PDS5A: variants seen among roughly 807,000 people sequenced by gnomAD.
PDS5A encodes the protein sister chromatid cohesion protein PDS5 homolog A.
Under a neutral mutation model 167.1 loss-of-function variants are expected in PDS5A, and 42 were observed. The observed-to-expected ratio is 0.25, with a 90% CI of 0.20 to 0.33. PDS5A has a LOEUF of 0.33. Ranked by LOEUF, PDS5A falls within the 10% of genes least tolerant of loss-of-function variation. PDS5A has a pLI of 1.00. For synonymous variants in PDS5A, 553 were observed against 554.6 expected (o/e 1.00, Z 0.04); for missense variants, 1,033 against 1,605.9 (o/e 0.64, Z 6.10).
chr4:39,941,857 T>A (rs1428550276), intron 2 of PDS5A, among the ~76,000 whole-genome samples: 1 of 152,062 alleles, frequency 6.6e-6, no homozygotes, highest in Non-Finnish European at 1.5e-5. Context: ...AGAGTTCAAG[T>A]TCAAGGCTGC....
intron 2 of PDS5A, among the ~76,000 whole-genome samples, chr4:39,934,558 G>C (rs1170671184): frequency 6.7e-6 from 1 of 148,162 alleles, no homozygotes; most frequent in Non-Finnish European, 1.5e-5. Context: ...CCTGTGGATT[G>C]TGTTTTAATA....
At chr4:39,868,716 C>T (rs776566805) in intron 22 of PDS5A, 1 of 454,218 alleles carries the variant, frequency 2.2e-6, no homozygotes, top group Admixed American at 2.4e-5. Flanking sequence ...AGCGATCCTC[C>T]TGCTCTGCCT....
At position 39,903,698 on chromosome 4, in the gene PDS5A, T is replaced by A. The variant is rs2109660177; in HGVS notation, c.1385+342A>T. Among the ~76,000 whole-genome samples, 2 of 152,296 alleles carry A rather than the reference T, an allele frequency of 1.3e-5. 1 individual carries two copies. The highest frequency in any genetic ancestry group is 3.9e-4 in the East Asian group (2 of 5,180). ...GGAAAGGCACTATTATTTTTCCTTT[T>A]TATATAAAACTGAAGCGCACAAGAC... is the stretch of plus-strand genomic sequence containing the variant. On this transcript the variant is annotated intron_variant, in intron 12 of 32. Transcript: ENST00000303538.
chr4:39,942,100 G>A (rs751403420), intron 2 of PDS5A, among the ~76,000 whole-genome samples: 1 of 152,076 alleles, frequency 6.6e-6, no homozygotes, highest in Non-Finnish European at 1.5e-5. Context: ...AACTCAAAGA[G>A]TGATTTCCTA....
chr4:39,832,030 C>G (rs1331017799), intron 32 of PDS5A, among the ~76,000 whole-genome samples: 1 of 150,566 alleles, frequency 6.6e-6, no homozygotes, highest in East Asian at 2.0e-4. Context: ...ACAAGAATCC[C>G]TTGAATGAAC....
chr4:39,895,292 T>C (rs1017003349), intron 16 of PDS5A, among the ~76,000 whole-genome samples: 4 of 151,660 alleles, frequency 2.6e-5, no homozygotes, highest in Admixed American at 6.6e-5. Context: ...CTAAATGGTA[T>C]AGCGTACTAC....
chr4:39,951,898 C>CAAAAAAAAAAAAAA (rs1161911794), intron 2 of PDS5A, among the ~76,000 whole-genome samples: 5 of 68,810 alleles, frequency 7.3e-5, no homozygotes, highest in South Asian at 6.0e-4. Flanking sequence ...GAGTCTGTCT[C>CAAAAAAAAAAAAAA]AAAAAAAAAA....
At chr4:39,885,154 T>C (rs1192992459) in intron 17 of PDS5A, among the ~76,000 whole-genome samples, 2 of 146,922 alleles carry the variant, frequency 1.4e-5, no homozygotes, top group Non-Finnish European at 3.0e-5. Context: ...ATACAGCTAC[T>C]CGGGAGGCCG....
intron 6 of PDS5A, among the ~76,000 whole-genome samples, chr4:39,921,147 A>C (rs1724921553): frequency 6.6e-6 from 1 of 152,162 alleles, no homozygotes; most frequent in Non-Finnish European, 1.5e-5. Context: ...TTTTCTATGA[A>C]GGGCCACATG....
chr4:39,899,759 G>T (rs1722715997), intron 14 of PDS5A, among the ~76,000 whole-genome samples: 1 of 150,694 alleles, frequency 6.6e-6, no homozygotes, highest in Non-Finnish European at 1.5e-5. Context: ...TGAGGTGGGA[G>T]GATCACCTCA....
In PDS5A at chr4:39,914,083, A is replaced by C. The variant is rs533554289; in HGVS notation, c.877-357T>G. On this transcript the variant is annotated intron_variant, in intron 8 of 32. Coordinates refer to ENST00000303538, the MANE Select transcript of PDS5A (RefSeq NM_001100399.2). ...GGACAAAGTTACAGTTACCACCCTA[A>C]TAAGCTTACTTTATAGGAAATCTGC... 9.2e-5 allele frequency among the ~76,000 whole-genome samples: 14 copies of C among 152,258 alleles called. No homozygotes were observed. In the South Asian group the frequency reaches 2.9e-3, roughly 32 times the overall value.
chr4:39,898,912 T>C, intron 14 of PDS5A, 87 bp from the exon 15 acceptor site: 2 of 807,736 alleles, frequency 2.5e-6, no homozygotes, highest in Non-Finnish European at 4.1e-6. Context: ...TTACTGTACA[T>C]TTTTCATGAC....
chr4:39,928,819 T>A (rs1254564960), intron 2 of PDS5A, among the ~76,000 whole-genome samples: 2 of 136,640 alleles, frequency 1.5e-5, no homozygotes, highest in South Asian at 2.8e-4. Flanking sequence ...AGTGAGACAC[T>A]GTCTTTAAAA....
chr4:39,900,519 T>C lies in PDS5A; in HGVS notation c.1500-12A>G, dbSNP rs1343570919. The C allele has an allele frequency of 6.5e-7, 1 of 1,532,272 alleles. No individual in the cohort carries two copies. Among genetic ancestry groups the C allele is most frequent in the East Asian group, 2.3e-5 (1 of 42,752 alleles). 94.9% of individuals were successfully genotyped at this position (1,532,272 alleles called of 1,614,324 possible). A position where few individuals can be genotyped will look rare whatever the true frequency, so the allele number is the denominator to read the frequency against. On this transcript the variant is annotated splice_polypyrimidine_tract_variant and intron_variant, in intron 13 of 32. Transcript: ENST00000303538. The stretch of plus-strand genomic sequence containing the variant: ...TTTCGTTGAGAGCTCTGTAAAGTTA[T>C]GAATATGAAAACACACATTACATAA...
intron 2 of PDS5A, chr4:39,973,895 A>AG: frequency 1.4e-6 from 1 of 700,268 alleles, no homozygotes; most frequent in South Asian, 1.6e-5. Context: ...GGAGGCCAAG[A>AG]GGGGCAGATC....
At chr4:39,967,429 C>T (rs1382361047) in intron 2 of PDS5A, among the ~76,000 whole-genome samples, 5 of 151,936 alleles carry the variant, frequency 3.3e-5, no homozygotes, top group African/African-American at 7.3e-5. Context: ...GGGTGGATCA[C>T]GAGGTCAGGG....
intron 7 of PDS5A, among the ~76,000 whole-genome samples, chr4:39,919,971 A>G (rs1724778042): frequency 6.6e-6 from 1 of 152,008 alleles, no homozygotes; most frequent in Admixed American, 6.6e-5. Flanking sequence ...ACATTACAGG[A>G]CTTCAGAAGA....
intron 2 of PDS5A, among the ~76,000 whole-genome samples, chr4:39,928,984 C>A (rs926979026): frequency 6.6e-6 from 1 of 152,048 alleles, no homozygotes; most frequent in South Asian, 2.1e-4. Flanking sequence ...AAAGAAAAAT[C>A]CATAATTTAT....
intron 2 of PDS5A, among the ~76,000 whole-genome samples, chr4:39,967,176 G>A (rs1225036543): frequency 1.3e-5 from 2 of 151,522 alleles, no homozygotes; most frequent in African/African-American, 2.4e-5. Flanking sequence ...GTGGTGGCAC[G>A]CACCTGTAAT....
Sources: allele counts gnomAD v4.1 joint callset (sites outside exome capture counted in the v4.1 genomes callset), GRCh38; gene constraint gnomAD v4.1.1; transcripts MANE v1.5; gene names NCBI Gene and HGNC (gene_info 2026-07-23, HGNC 2026-07-21).